Variants in FAM107B observed in about 807,000 individuals in gnomAD.
The protein encoded by FAM107B is family with sequence similarity 107 member B.
In FAM107B, 21 loss-of-function variants were observed where a neutral mutation model predicts 31.5. That is an observed-to-expected ratio of 0.67 (90% CI 0.47 to 0.96). FAM107B has a LOEUF of 0.96. Ranked by LOEUF, FAM107B falls within the 40% of genes least tolerant of loss-of-function variation. The probability of loss-of-function intolerance (pLI) is 0.00; values close to 1 mark genes in which losing one functional copy is unlikely to be tolerated. For synonymous variants in FAM107B, 157 were observed against 141.5 expected (o/e 1.11, Z -0.78); for missense variants, 452 against 377.1 (o/e 1.20, Z -1.64).
At chr10:14,707,554 C>T (rs1855550912) in intron 1 of FAM107B, among the ~76,000 whole-genome samples, 1 of 152,132 alleles carries the variant, frequency 6.6e-6, no homozygotes, top group South Asian at 2.1e-4. Context: ...GCCCTTCTCC[C>T]ACTTTGTGAT....
intron 2 of FAM107B, among the ~76,000 whole-genome samples, chr10:14,539,317 G>A (rs1326259814): frequency 1.3e-5 from 2 of 152,230 alleles, no homozygotes; most frequent in Non-Finnish European, 2.9e-5. Context: ...TCTGTCAGAA[G>A]AAAGTGAGGC....
At chr10:14,765,890 CAGAGCTGATCCCAGT>C (rs1833151112) in intron 1 of FAM107B, among the ~76,000 whole-genome samples, 3 of 152,192 alleles carry the variant, frequency 2.0e-5, no homozygotes, top group East Asian at 1.9e-4. Context: ...TATAGCCCAG[CAGAGCTGATCCCAGT>C]AGAGCTGATC....
intron 1 of FAM107B, among the ~76,000 whole-genome samples, chr10:14,697,669 G>A (rs1485123423): frequency 1.3e-5 from 2 of 152,226 alleles, no homozygotes; most frequent in African/African-American, 4.8e-5. Context: ...ATTGCCTAGT[G>A]CTCAGACCTA....
At chr10:14,532,309 T>G (rs1453287530) in intron 2 of FAM107B, among the ~76,000 whole-genome samples, 1 of 152,002 alleles carries the variant, frequency 6.6e-6, no homozygotes, top group Admixed American at 6.6e-5. Flanking sequence ...CCCCAGCACC[T>G]CCCCGTGTTA....
chr10:14,770,975 T>TAAAAAA (rs56378196), intron 1 of FAM107B, among the ~76,000 whole-genome samples: 7 of 58,956 alleles, frequency 1.2e-4, no homozygotes, highest in African/African-American at 1.5e-4. Context: ...GAGGCTGAAC[T>TAAAAAA]AAAAAAAAAA....
chr10:14,564,295 A>G (rs970270206), intron 2 of FAM107B, among the ~76,000 whole-genome samples: 9 of 152,162 alleles, frequency 5.9e-5, no homozygotes, highest in Non-Finnish European at 1.0e-4. Flanking sequence ...CGAGACGTTG[A>G]GCAGATCAGC....
chr10:14,574,214 GAC>G lies in FAM107B; in HGVS notation c.470-43701_470-43700del, dbSNP rs368392689. On this transcript the variant is annotated intron_variant, in intron 2 of 4. Coordinates refer to ENST00000181796, the MANE Select transcript of FAM107B (RefSeq NM_031453.4). ...CAAGGTGATATTCCTCAGGCATCCT[GAC>G]ACAGTTATTCCCAACTGAATCTGTA... Among the ~76,000 whole-genome samples the G allele has an allele frequency of 3.4e-4, 52 of 152,274 alleles. 1 individual carries two copies. The South Asian group carries it at 0.011, about 31-fold the overall frequency.
chr10:14,522,559 G>A (rs1413929022), intron 3 of FAM107B, among the ~76,000 whole-genome samples: 4 of 152,068 alleles, frequency 2.6e-5, no homozygotes, highest in Non-Finnish European at 5.9e-5. Context: ...GGGATTACAG[G>A]CGTGCACCAC....
intron 1 of FAM107B, among the ~76,000 whole-genome samples, chr10:14,678,357 A>G (rs1854740877): frequency 6.6e-6 from 1 of 152,184 alleles, no homozygotes; most frequent in Admixed American, 6.5e-5. Flanking sequence ...CACTAAGAAG[A>G]GGATTAAAGC....
At chr10:14,643,699 T>G (rs1056645383) in intron 2 of FAM107B, among the ~76,000 whole-genome samples, 1 of 152,148 alleles carries the variant, frequency 6.6e-6, no homozygotes, top group Admixed American at 6.6e-5. Context: ...CGTGAGCCAC[T>G]GCACCCGGCT....
At chr10:14,536,905 A>G (rs1468702343) in intron 2 of FAM107B, among the ~76,000 whole-genome samples, 2 of 152,212 alleles carry the variant, frequency 1.3e-5, no homozygotes, top group Non-Finnish European at 2.9e-5. Flanking sequence ...GCTCTTGGGA[A>G]AGTATCAAAC....
intron 1 of FAM107B, among the ~76,000 whole-genome samples, chr10:14,721,963 G>A (rs912318621): frequency 2.0e-5 from 3 of 152,136 alleles, no homozygotes; most frequent in East Asian, 1.9e-4. Flanking sequence ...TTCTTCTAGG[G>A]TTTTTATGGT....
At chr10:14,547,649 C>A (rs1848822229) in intron 2 of FAM107B, among the ~76,000 whole-genome samples, 1 of 152,100 alleles carries the variant, frequency 6.6e-6, no homozygotes, top group African/African-American at 2.4e-5. Flanking sequence ...TAGAGCATTT[C>A]AGATTTCAGA....
chr10:14,740,460 A>G (rs1856410181), intron 1 of FAM107B, among the ~76,000 whole-genome samples: 1 of 152,222 alleles, frequency 6.6e-6, no homozygotes, highest in Admixed American at 6.5e-5. Context: ...CGGGGGAAGG[A>G]GACATAGGTG....
intron 2 of FAM107B, among the ~76,000 whole-genome samples, chr10:14,540,480 G>C (rs1848074898): frequency 6.6e-6 from 1 of 152,158 alleles, no homozygotes; most frequent in Non-Finnish European, 1.5e-5. Flanking sequence ...GGCCTCTCCT[G>C]GGTCTGGGGC....
intron 2 of FAM107B, among the ~76,000 whole-genome samples, chr10:14,580,865 G>A (rs768885947): frequency 2.0e-5 from 3 of 152,146 alleles, no homozygotes; most frequent in South Asian, 2.1e-4. Context: ...TCTGCAGAAC[G>A]TTCTTCCCAG....
intron 2 of FAM107B, among the ~76,000 whole-genome samples, chr10:14,569,451 A>AT (rs1446892348): frequency 6.9e-6 from 1 of 145,678 alleles, no homozygotes; most frequent in Admixed American, 6.7e-5. Context: ...CGTTAAGATC[A>AT]TAACATGTGG....
chr10:14,690,093 C>T (rs1415727516), intron 1 of FAM107B, among the ~76,000 whole-genome samples: 1 of 151,974 alleles, frequency 6.6e-6, no homozygotes, highest in Non-Finnish European at 1.5e-5. Context: ...ATCCAATATC[C>T]TCCATGTGAC....
At chr10:14,673,816 G>T (rs1405230458) in intron 1 of FAM107B, among the ~76,000 whole-genome samples, 2 of 152,138 alleles carry the variant, frequency 1.3e-5, no homozygotes, top group African/African-American at 4.8e-5. Flanking sequence ...TTGAACTGGG[G>T]TGAGATGATA....
Sources: gnomAD v4.1 joint callset for allele counts (sites outside exome capture counted in the v4.1 genomes callset) on GRCh38, gnomAD v4.1.1 for gene constraint, MANE v1.5 for transcripts, NCBI Gene and HGNC (gene_info 2026-07-23, HGNC 2026-07-21) for gene names.